NRF1: variants seen among roughly 807,000 people sequenced by gnomAD.
The protein encoded by NRF1 is nuclear respiratory factor 1, also known as alpha palindromic-binding protein.
NRF1 carries 5 observed loss-of-function variants against 58.5 expected under a neutral mutation model. That is an observed-to-expected ratio of 0.09 (90% CI 0.04 to 0.18). NRF1 has a LOEUF of 0.18. NRF1 is among the 10% of genes least tolerant of loss of function. NRF1 has a pLI of 1.00. For synonymous variants in NRF1, 224 were observed against 246.7 expected (o/e 0.91, Z 0.86); for missense variants, 288 against 657.7 (o/e 0.44, Z 6.15).
At chr7:129,648,298 GAGA>G (rs1801456744) in intron 1 of NRF1, among the ~76,000 whole-genome samples, 2 of 36,348 alleles carry the variant, frequency 5.5e-5, no homozygotes, top group African/African-American at 1.8e-4. Flanking sequence ...TTTTTTTTTT[GAGA>G]AGGAGTCTCG....
intron 1 of NRF1, among the ~76,000 whole-genome samples, chr7:129,643,386 G>T (rs1164514828): frequency 6.6e-6 from 1 of 152,308 alleles, no homozygotes; most frequent in South Asian, 2.1e-4. Flanking sequence ...AGACTGGGGG[G>T]CGGGACTTGT....
chr7:129,725,697 T>G (rs963980936), intron 9 of NRF1, among the ~76,000 whole-genome samples: 1 of 152,236 alleles, frequency 6.6e-6, no homozygotes, highest in Non-Finnish European at 1.5e-5. Flanking sequence ...TTTTCTTTTA[T>G]ACTTAATAGA....
chr7:129,640,352 CA>C (rs202055005), intron 1 of NRF1, among the ~76,000 whole-genome samples: 1 of 144,420 alleles, frequency 6.9e-6, no homozygotes, highest in Non-Finnish European at 1.5e-5. Flanking sequence ...CTGGTCCCTA[CA>C]AAAAAATTTT....
At chr7:129,720,349 C>G (rs1430315464) in intron 9 of NRF1, among the ~76,000 whole-genome samples, 1 of 152,120 alleles carries the variant, frequency 6.6e-6, no homozygotes, top group Non-Finnish European at 1.5e-5. Context: ...AAGAAACAAG[C>G]CCTTAACATT....
intron 1 of NRF1, among the ~76,000 whole-genome samples, chr7:129,619,429 T>A (rs62489261): frequency 4.0e-5 from 3 of 75,158 alleles, no homozygotes; most frequent in South Asian, 1.1e-3. Flanking sequence ...TATATATATA[T>A]ATATACACAC....
chr7:129,690,459 A>G lies in NRF1; in HGVS notation c.519A>G (p.Glu173=), dbSNP rs2151092651. 1 of 1,614,174 alleles carries G rather than the reference A, an allele frequency of 6.2e-7. No homozygotes were observed. Among genetic ancestry groups the G allele is most frequent in the Non-Finnish European group, 8.5e-7 (1 of 1,180,026 alleles). The part of the protein sequence containing the change: ...ILEDLESALA[E]HAPAPQEVNS... ...AAGACCTGGAGTCTGCTCTGGCAGA[A>G]CACGCCCCTGCGCCACAGGAGGTTA... Residue 173 remains glutamate, a synonymous_variant, in exon 5 of 11, where the codon GAA becomes GAG. Coordinates refer to ENST00000393232, the MANE Select transcript of NRF1 (RefSeq NM_005011.5).
chr7:129,704,000 A>T (rs1802894067), intron 5 of NRF1, among the ~76,000 whole-genome samples: 1 of 151,836 alleles, frequency 6.6e-6, no homozygotes, highest in Admixed American at 6.6e-5. Context: ...AATTATGGTT[A>T]CCCTTTTTTC....
rs184547820 is a variant in NRF1, at chr7:129,747,529, C to A, written c.1349-7489C>A. Among the ~76,000 whole-genome samples, 316 of 152,304 alleles carry A rather than the reference C, an allele frequency of 2.1e-3. 3 individuals carry two copies. The highest frequency in any genetic ancestry group is 6.8e-3 in the African/African-American group (284 of 41,562). On this transcript the variant is annotated intron_variant, in intron 10 of 10. Coordinates refer to ENST00000393232, the MANE Select transcript of NRF1 (RefSeq NM_005011.5). ...CATCAAACTTCATACTCAAAGTCATCTTTGAAAAGCAGTGGCATTTATTAT... is the reference window on the plus strand; with the variant it reads ...CATCAAACTTCATACTCAAAGTCATATTTGAAAAGCAGTGGCATTTATTAT...
At chr7:129,683,213 T>C (rs1176574510) in intron 4 of NRF1, among the ~76,000 whole-genome samples, 1 of 151,978 alleles carries the variant, frequency 6.6e-6, no homozygotes, top group African/African-American at 2.4e-5. Flanking sequence ...CCAGAGAATA[T>C]TTTCTGATCA....
rs58022845 is a variant in NRF1 at position 129,672,200 on chromosome 7, CT to C, written c.338+677del. Reference sequence around the variant, plus strand: ...GTAGAGAAGAGCCACGCCAGGAGATCTTTTTTTTTTTTTTTTTTTTGATAGA... The same window carrying C: ...GTAGAGAAGAGCCACGCCAGGAGATCTTTTTTTTTTTTTTTTTTTGATAGA... On this transcript the variant is annotated intron_variant, in intron 3 of 10. Transcript: ENST00000393232. 2.8e-3 allele frequency among the ~76,000 whole-genome samples: 328 copies of C among 116,872 alleles called. 1 individual carries two copies. The highest frequency in any genetic ancestry group is 6.8e-3 in the South Asian group (23 of 3,370). The allele number at this position is 116,872 out of a possible 152,430, so 76.7% of individuals were successfully genotyped here.
At position 129,690,628 on chromosome 7, in the gene NRF1, G is replaced by A. The variant is rs1225618694; in HGVS notation, c.606+82G>A. On this transcript the variant is annotated intron_variant, in intron 5 of 10. Transcript: ENST00000393232. ...GCCTCTGATCACTTTTCTGCATTTT[G>A]TCCTCAGTGATCTGACCAGGGAGTG... 3.4e-6 allele frequency: 5 copies of A among 1,472,760 alleles called. No individual in the cohort carries two copies. In the East Asian group the frequency reaches 6.8e-5, roughly 20 times the overall value. 91.2% of individuals were successfully genotyped at this position (1,472,760 alleles called of 1,614,324 possible). A position where few individuals can be genotyped will look rare whatever the true frequency, so the allele number is the denominator to read the frequency against.
At chr7:129,669,034 A>G (rs1010473654) in intron 2 of NRF1, among the ~76,000 whole-genome samples, 1 of 150,940 alleles carries the variant, frequency 6.6e-6, no homozygotes. Context: ...TGCAACCTCC[A>G]CCTCCCAGAT....
intron 4 of NRF1, among the ~76,000 whole-genome samples, chr7:129,682,909 G>A (rs1165498677): frequency 6.6e-6 from 1 of 152,054 alleles, no homozygotes; most frequent in Non-Finnish European, 1.5e-5. Context: ...TATAAGAATT[G>A]ACCATTTATT....
chr7:129,684,765 C>T (rs775871513), intron 4 of NRF1, among the ~76,000 whole-genome samples: 4 of 152,132 alleles, frequency 2.6e-5, no homozygotes, highest in Non-Finnish European at 5.9e-5. Context: ...ATAGTGAAAG[C>T]CCCGTTGCTC....
chr7:129,663,696 A>G (rs1181856799), intron 2 of NRF1, among the ~76,000 whole-genome samples: 2 of 152,036 alleles, frequency 1.3e-5, no homozygotes, highest in Non-Finnish European at 2.9e-5. Flanking sequence ...GCGGCCAGGC[A>G]GAGACGCTGC....
chr7:129,716,366 G>A (rs9641855), intron 8 of NRF1, among the ~76,000 whole-genome samples: 72,752 of 151,840 alleles, frequency 0.48, 17,751 homozygotes, highest in East Asian at 0.78. Context: ...TAGAGTACTG[G>A]TATCATATTC....
At chr7:129,619,872 T>A (rs1050562031) in intron 1 of NRF1, among the ~76,000 whole-genome samples, 1 of 151,844 alleles carries the variant, frequency 6.6e-6, no homozygotes, top group Admixed American at 6.6e-5. Flanking sequence ...ATGTTAAGTA[T>A]GGGGGTTTTT....
intron 10 of NRF1, among the ~76,000 whole-genome samples, chr7:129,745,003 G>GAAA (rs34557264): frequency 2.0e-5 from 3 of 148,240 alleles, no homozygotes; most frequent in Non-Finnish European, 4.5e-5. Context: ...AAAGTTTGAA[G>GAAA]AAAAAAAAAA....
intron 1 of NRF1, among the ~76,000 whole-genome samples, chr7:129,612,901 T>TG (rs1800570286): frequency 6.6e-6 from 1 of 152,204 alleles, no homozygotes; most frequent in Non-Finnish European, 1.5e-5. Flanking sequence ...TCTTAATACT[T>TG]GGGGGGCTTC....
Sources: allele counts gnomAD v4.1 joint callset (sites outside exome capture counted in the v4.1 genomes callset), GRCh38; gene constraint gnomAD v4.1.1; transcripts MANE v1.5; gene names NCBI Gene and HGNC (gene_info 2026-07-23, HGNC 2026-07-21).